TRPS1: variants seen among roughly 807,000 people sequenced by gnomAD.
The protein encoded by TRPS1 is transcriptional repressor GATA binding 1, also known as zinc finger transcription factor Trps1.
Under a neutral mutation model 101.2 loss-of-function variants are expected in TRPS1, and 6 were observed. The observed-to-expected ratio is 0.06, with a 90% CI of 0.03 to 0.12. The LOEUF (loss-of-function observed/expected upper bound fraction) is 0.12. Among genes scored for constraint, TRPS1 ranks in the 10% least tolerant of loss-of-function variants. The pLI is 1.00. For synonymous variants in TRPS1, 578 were observed against 589.8 expected (o/e 0.98, Z 0.29); for missense variants, 1,363 against 1,567.0 (o/e 0.87, Z 2.20).
At chr8:115,488,010 A>T (rs1426719581) in intron 5 of TRPS1, among the ~76,000 whole-genome samples, 1 of 152,164 alleles carries the variant, frequency 6.6e-6, no homozygotes, top group African/African-American at 2.4e-5. Flanking sequence ...AAGAAGAGTC[A>T]ATTGATGCAT....
chr8:115,527,015 G>A (rs962070184), intron 5 of TRPS1, among the ~76,000 whole-genome samples: 13 of 152,006 alleles, frequency 8.6e-5, no homozygotes, highest in African/African-American at 2.7e-4. Flanking sequence ...TCTTTCAAGG[G>A]CCCAGCATCC....
intron 5 of TRPS1, among the ~76,000 whole-genome samples, chr8:115,492,631 G>C (rs1310718988): frequency 6.6e-6 from 1 of 152,158 alleles, no homozygotes; most frequent in Non-Finnish European, 1.5e-5. Context: ...TGATCAGTTA[G>C]TGGCAAAAGT....
At chr8:115,627,358 A>G (rs912351418) in intron 1 of TRPS1, among the ~76,000 whole-genome samples, 1 of 151,716 alleles carries the variant, frequency 6.6e-6, no homozygotes, top group Non-Finnish European at 1.5e-5. Context: ...AATATCTGCA[A>G]TGACAACTGT....
chr8:115,634,188 A>C (rs927361060), intron 1 of TRPS1, among the ~76,000 whole-genome samples: 4 of 152,182 alleles, frequency 2.6e-5, no homozygotes, highest in African/African-American at 9.7e-5. Flanking sequence ...ATGATAATTT[A>C]ACACTATTCC....
At chr8:115,547,877 A>G (rs964542607) in intron 5 of TRPS1, among the ~76,000 whole-genome samples, 4 of 152,160 alleles carry the variant, frequency 2.6e-5, no homozygotes. Flanking sequence ...CTAGAAATAA[A>G]TTAACTTGTG....
intron 1 of TRPS1, among the ~76,000 whole-genome samples, chr8:115,657,543 T>C (rs1043046960): frequency 1.1e-4 from 17 of 152,246 alleles, no homozygotes; most frequent in African/African-American, 4.1e-4. Context: ...GCATTGTACC[T>C]CTTGGGAATC....
At chr8:115,467,616 G>C (rs1465749204) in intron 5 of TRPS1, among the ~76,000 whole-genome samples, 1 of 152,110 alleles carries the variant, frequency 6.6e-6, no homozygotes, top group African/African-American at 2.4e-5. Context: ...TAGAAGGATA[G>C]CACTGGAAAT....
chr8:115,413,773 G>A lies in TRPS1; in HGVS notation c.*250C>T. On this transcript the variant is annotated 3_prime_UTR_variant, in exon 7 of 7. Transcript: ENST00000395715. The stretch of plus-strand genomic sequence containing the variant: ...TCCCCAGTACATATTAGCCAAGATG[G>A]TTTTGACTTAACAGGTTTTAAAAAG... 2 of 489,686 alleles carry A rather than the reference G, an allele frequency of 4.1e-6. No homozygotes were observed. The highest frequency in any genetic ancestry group is 2.4e-5 in the South Asian group (1 of 41,370). The allele number at this position is 489,686 out of a possible 1,614,324, so 30.3% of individuals were successfully genotyped here. A position where few individuals can be genotyped will look rare whatever the true frequency, so the allele number is the denominator to read the frequency against.
rs1348162919 is a variant in TRPS1 at position 115,587,422 on chromosome 8, T to C, written c.2279A>G (p.Tyr760Cys). ...TTTAGAGTCTGGAGTTAGCAGATTG[T>C]AGACCCTGAAGTCAATTTTGGGCTC... ...KEEPKIDFRV[Y>C]NLLTPDSKMG... The change falls in exon 5 of 7, where the codon TAC becomes TGC. Residue 760 changes from tyrosine to cysteine, a missense_variant. Physicochemically the swap from Tyr to Cys is radical, Grantham distance 194. This residue lies in a region of TRPS1 where 1,020 missense variants were observed against 1,073.0 expected (regional missense o/e 0.95). Coordinates refer to ENST00000395715, the MANE Select transcript of TRPS1 (RefSeq NM_014112.5). 6.2e-7 allele frequency: 1 copy of C among 1,614,200 alleles called. No homozygotes were observed. The highest frequency in any genetic ancestry group is 1.7e-5 in the Admixed American group (1 of 60,022).
intron 5 of TRPS1, among the ~76,000 whole-genome samples, chr8:115,532,957 A>G (rs972452289): frequency 6.6e-6 from 1 of 152,160 alleles, no homozygotes; most frequent in African/African-American, 2.4e-5. Flanking sequence ...AGAGACAACA[A>G]CCCACAGGAA....
rs1241128187 is a variant in TRPS1 at position 115,413,719 on chromosome 8, T to A, written c.*304A>T. Reference sequence around the variant, plus strand: ...TCTTTCTTTATAAATATATTAATTCTAGTCTGGTGATATCTCTTATGGATT... The same window carrying A: ...TCTTTCTTTATAAATATATTAATTCAAGTCTGGTGATATCTCTTATGGATT... On this transcript the variant is annotated 3_prime_UTR_variant, in exon 7 of 7. Coordinates refer to ENST00000395715, the MANE Select transcript of TRPS1 (RefSeq NM_014112.5). The A allele has an allele frequency of 6.5e-6, 2 of 308,770 alleles. No homozygotes were observed. Among genetic ancestry groups the A allele is most frequent in the Admixed American group, 4.7e-5 (1 of 21,196 alleles). 19.1% of individuals were successfully genotyped at this position (308,770 alleles called of 1,614,324 possible). A position where few individuals can be genotyped will look rare whatever the true frequency, so the allele number is the denominator to read the frequency against.
chr8:115,662,702 A>C (rs1247270083), intron 1 of TRPS1, among the ~76,000 whole-genome samples: 1 of 151,492 alleles, frequency 6.6e-6, no homozygotes, highest in East Asian at 1.9e-4. Flanking sequence ...AAAAAAAAAA[A>C]AAAAAGGAAA....
At chr8:115,663,857 T>C (rs1429313980) in intron 1 of TRPS1, among the ~76,000 whole-genome samples, 1 of 151,864 alleles carries the variant, frequency 6.6e-6, no homozygotes, top group Non-Finnish European at 1.5e-5. Flanking sequence ...CACCTGTAGA[T>C]CCTACTGCAC....
At chr8:115,444,412 T>G (rs746665919) in intron 5 of TRPS1, among the ~76,000 whole-genome samples, 1 of 152,164 alleles carries the variant, frequency 6.6e-6, no homozygotes, top group African/African-American at 2.4e-5. Flanking sequence ...AAATGAAGAG[T>G]GAATCCAACT....
intron 5 of TRPS1, among the ~76,000 whole-genome samples, chr8:115,503,454 AG>A (rs1276928295): frequency 6.6e-6 from 1 of 152,172 alleles, no homozygotes; most frequent in African/African-American, 2.4e-5. Context: ...CTACATTTTA[AG>A]AAAAATACCA....
In TRPS1 at chr8:115,433,195, A is replaced by G. The variant is rs528017571; in HGVS notation, c.2701-14743T>C. ...GAATGTTCTGATTTTTAAACTCCCA[A>G]TCACAGAGTGGATGCCATTATATAC... On this transcript the variant is annotated intron_variant, in intron 5 of 6. Transcript: ENST00000395715. Among the ~76,000 whole-genome samples the G allele has an allele frequency of 5.1e-4, 78 of 152,154 alleles. 1 individual carries two copies. The highest frequency in any genetic ancestry group is 1.5e-3 in the African/African-American group (64 of 41,562).
chr8:115,667,715 T>C (rs1395384934), intron 1 of TRPS1, among the ~76,000 whole-genome samples: 1 of 152,192 alleles, frequency 6.6e-6, no homozygotes, highest in Admixed American at 6.5e-5. Context: ...ACCCGCCTTC[T>C]CCAGAGCCCA....
At chr8:115,527,461 T>G (rs1003326808) in intron 5 of TRPS1, among the ~76,000 whole-genome samples, 1 of 151,976 alleles carries the variant, frequency 6.6e-6, no homozygotes, top group Non-Finnish European at 1.5e-5. Flanking sequence ...TAACCAATAA[T>G]GTATTCAATT....
intron 5 of TRPS1, among the ~76,000 whole-genome samples, chr8:115,422,497 G>GCT (rs1206267351): frequency 2.0e-5 from 3 of 152,202 alleles, no homozygotes; most frequent in African/African-American, 7.2e-5. Context: ...TTCCAGAGTA[G>GCT]CTGGGATTAC....
Sources: allele counts gnomAD v4.1 joint callset (sites outside exome capture counted in the v4.1 genomes callset), GRCh38; gene constraint gnomAD v4.1.1; regional missense constraint gnomAD v4.1.1; transcripts MANE v1.5; gene names NCBI Gene and HGNC (gene_info 2026-07-23, HGNC 2026-07-21).